The following KCNMB2 variants were observed in gnomAD, a reference collection of about 807,000 sequenced individuals.
KCNMB2 encodes potassium calcium-activated channel subfamily M regulatory beta subunit 2.
A neutral mutation model predicts 24.5 loss-of-function variants in KCNMB2; 9 were observed. The observed-to-expected ratio is 0.37, with a 90% CI of 0.22 to 0.64. The LOEUF (loss-of-function observed/expected upper bound fraction) is 0.64. KCNMB2 is among the 30% of genes least tolerant of loss of function. The pLI is 0.63. For synonymous variants in KCNMB2, 109 were observed against 104.4 expected, an observed-to-expected ratio of 1.04 and a Z score of -0.27; for missense variants, 226 against 284.3, an observed-to-expected ratio of 0.79 and a Z score of 1.47.
chr3:178,631,758 T>A (rs577260899), intron 1 of KCNMB2, among the ~76,000 whole-genome samples: 1 of 152,358 alleles, frequency 6.6e-6, no homozygotes, highest in African/African-American at 2.4e-5. Flanking sequence ...CAGCTTGTTT[T>A]GCCACTCCTT....
intron 1 of KCNMB2, among the ~76,000 whole-genome samples, chr3:178,633,324 T>C (rs1719393638): frequency 6.6e-6 from 1 of 152,166 alleles, no homozygotes; most frequent in South Asian, 2.1e-4. Flanking sequence ...ACGGAGGTTC[T>C]CCATGAGGGC....
intron 1 of KCNMB2, among the ~76,000 whole-genome samples, chr3:178,646,307 T>G (rs1188077568): frequency 6.6e-6 from 1 of 152,206 alleles, no homozygotes; most frequent in South Asian, 2.1e-4. Context: ...GGCAAATATC[T>G]GACAATGGCT....
chr3:178,642,569 C>T (rs1275192132), intron 1 of KCNMB2, among the ~76,000 whole-genome samples: 4 of 152,168 alleles, frequency 2.6e-5, no homozygotes, highest in Admixed American at 2.6e-4. Context: ...ATTAGAAGTG[C>T]AAGTTAGGGA....
At chr3:178,732,050 G>T (rs1723168993) in intron 1 of KCNMB2, among the ~76,000 whole-genome samples, 1 of 152,072 alleles carries the variant, frequency 6.6e-6, no homozygotes, top group Non-Finnish European at 1.5e-5. Flanking sequence ...TGCAACCAAG[G>T]ATTGCAAGGT....
chr3:178,595,590 T>G (rs118188313), intron 1 of KCNMB2, among the ~76,000 whole-genome samples: 1 of 152,232 alleles, frequency 6.6e-6, no homozygotes, highest in East Asian at 1.9e-4. Context: ...GAGATCTGGT[T>G]GTTTTTATAA....
chr3:178,685,331 T>C (rs1721428699), intron 1 of KCNMB2, among the ~76,000 whole-genome samples: 1 of 152,224 alleles, frequency 6.6e-6, no homozygotes, highest in Admixed American at 6.5e-5. Flanking sequence ...ATAATAATAA[T>C]CTAGTTTAGT....
At chr3:178,538,717 G>GATAT (rs1715489576) in intron 1 of KCNMB2, among the ~76,000 whole-genome samples, 1 of 152,112 alleles carries the variant, frequency 6.6e-6, no homozygotes, top group Admixed American at 6.6e-5. Context: ...TATTCTTGAT[G>GATAT]ATATATGTGT....
At position 178,828,271 on chromosome 3, in the gene KCNMB2, A is replaced by G. The variant is rs770862207; in HGVS notation, c.321A>G (p.Lys107=). The change falls in exon 4 of 5, where the codon AAA becomes AAG. Residue 107 remains lysine (K), a synonymous_variant. Transcript: ENST00000452583. ...TCAGCTGTGGTCCAGACTGCTGGAAACTTTCTCAGTACCCCTGCCTCCAGG... is the reference window on the plus strand; with the variant it reads ...TCAGCTGTGGTCCAGACTGCTGGAAGCTTTCTCAGTACCCCTGCCTCCAGG... ...CSFSCGPDCW[K]LSQYPCLQVY... The G allele has an allele frequency of 1.2e-6, 2 of 1,613,836 alleles. No homozygotes were observed. Among genetic ancestry groups the G allele is most frequent in the Non-Finnish European group, 1.7e-6 (2 of 1,179,818 alleles).
chr3:178,622,718 C>T (rs986806947), intron 1 of KCNMB2, among the ~76,000 whole-genome samples: 1 of 152,218 alleles, frequency 6.6e-6, no homozygotes, highest in African/African-American at 2.4e-5. Context: ...TAGCCTCCCC[C>T]ATAGCATCTG....
chr3:178,827,864 G>A (rs1714893861), intron 3 of KCNMB2, among the ~76,000 whole-genome samples: 1 of 152,186 alleles, frequency 6.6e-6, no homozygotes, highest in African/African-American at 2.4e-5. Flanking sequence ...GTGAGGACAG[G>A]TGATGATTTT....
At chr3:178,688,804 A>C (rs1721561796) in intron 1 of KCNMB2, among the ~76,000 whole-genome samples, 1 of 152,196 alleles carries the variant, frequency 6.6e-6, no homozygotes, top group East Asian at 1.9e-4. Context: ...AAGTTATTGA[A>C]CATGAGGCAA....
chr3:178,838,304 T>C lies in KCNMB2; in HGVS notation c.424-4349T>C, dbSNP rs554445261. Among the ~76,000 whole-genome samples the C allele has an allele frequency of 4.4e-4, 67 of 152,274 alleles. No individual in the cohort carries two copies. In the South Asian group the frequency reaches 0.011, roughly 25 times the overall value. On this transcript the variant is annotated intron_variant, in intron 4 of 4. Transcript: ENST00000452583. Reference sequence around the variant, plus strand: ...AGTTTTCATACTAAATTATAACTGATTGAAAAATTCTGCTTTCTTGGTGAT... The same window carrying C: ...AGTTTTCATACTAAATTATAACTGACTGAAAAATTCTGCTTTCTTGGTGAT...
At chr3:178,722,432 T>C (rs1236656002) in intron 1 of KCNMB2, among the ~76,000 whole-genome samples, 1 of 152,184 alleles carries the variant, frequency 6.6e-6, no homozygotes, top group East Asian at 1.9e-4. Context: ...TCTTGCTGCA[T>C]CATCCCATGG....
intron 1 of KCNMB2, among the ~76,000 whole-genome samples, chr3:178,555,244 G>T (rs375523830): frequency 2.6e-5 from 4 of 152,302 alleles, no homozygotes; most frequent in Admixed American, 2.6e-4. Context: ...ACTCTTCATT[G>T]TCCACAAACC....
At chr3:178,571,424 T>G (rs546276035) in intron 1 of KCNMB2, among the ~76,000 whole-genome samples, 3 of 146,440 alleles carry the variant, frequency 2.0e-5, no homozygotes, top group Non-Finnish European at 4.5e-5. Context: ...AGGCAAAATC[T>G]GTGGATCTGC....
chr3:178,760,600 CT>C (rs895622269), intron 1 of KCNMB2, among the ~76,000 whole-genome samples: 58 of 150,044 alleles, frequency 3.9e-4, no homozygotes, highest in African/African-American at 1.4e-3. Context: ...GGTTTCACTT[CT>C]CTTTGTACCT....
intron 1 of KCNMB2, among the ~76,000 whole-genome samples, chr3:178,785,551 G>T (rs962682749): frequency 1.8e-4 from 27 of 151,868 alleles, no homozygotes; most frequent in Admixed American, 9.8e-4. Context: ...AAAAACCTAT[G>T]AAATGAATCT....
At chr3:178,751,225 G>T (rs1232688486) in intron 1 of KCNMB2, among the ~76,000 whole-genome samples, 1 of 152,014 alleles carries the variant, frequency 6.6e-6, no homozygotes, top group East Asian at 1.9e-4. Flanking sequence ...CAGAGTAAAG[G>T]TATACAAAGA....
chr3:178,772,715 T>C (rs1206846196), intron 1 of KCNMB2, among the ~76,000 whole-genome samples: 1 of 152,236 alleles, frequency 6.6e-6, no homozygotes, highest in East Asian at 1.9e-4. Flanking sequence ...AACACTGCCT[T>C]GCATATAACA....
Sources: allele counts gnomAD v4.1 joint callset (sites outside exome capture counted in the v4.1 genomes callset), GRCh38; gene constraint gnomAD v4.1.1; transcripts MANE v1.5; gene names NCBI Gene and HGNC (gene_info 2026-07-23, HGNC 2026-07-21).